RREB1: variants seen among roughly 807,000 people sequenced by gnomAD.
The protein encoded by RREB1 is ras responsive element binding protein 1.
Under a neutral mutation model 117.8 loss-of-function variants are expected in RREB1, and 27 were observed. The ratio of observed to expected loss-of-function variants is 0.23; its 90% confidence interval spans 0.17 to 0.32. The LOEUF (loss-of-function observed/expected upper bound fraction) is 0.32. Among genes scored for constraint, RREB1 ranks in the 10% least tolerant of loss-of-function variants. RREB1 has a pLI of 1.00. For synonymous variants in RREB1, 1,298 were observed against 1,026.7 expected, an observed-to-expected ratio of 1.26 and a Z score of -5.05; for missense variants, 2,577 against 2,378.2, an observed-to-expected ratio of 1.08 and a Z score of -1.74.
chr6:7,189,035 AAG>A, intron 5 of RREB1, 122 bp from the exon 6 acceptor site: 1 of 896,954 alleles, frequency 1.1e-6, no homozygotes, highest in Non-Finnish European at 1.6e-6. Flanking sequence ...TTTAAAATGA[AAG>A]AGAAACACAT....
chr6:7,110,494 G>GTGTGTGTGTGTGCA (rs780372991), intron 1 of RREB1, among the ~76,000 whole-genome samples: 1 of 152,102 alleles, frequency 6.6e-6, no homozygotes, highest in African/African-American at 2.4e-5. Flanking sequence ...GTGTGTGTGT[G>GTGTGTGTGTGTGCA]TGTATGTGTT....
Position 7,248,785 on chromosome 6 carries a change from G to C in RREB1, c.5046G>C (p.Lys1682Asn), listed in dbSNP as rs928886297. The C allele has an allele frequency of 6.2e-7, 1 of 1,613,974 alleles. No individual in the cohort carries two copies. Among genetic ancestry groups the C allele is most frequent in the African/African-American group, 1.3e-5 (1 of 75,066 alleles). Reference protein sequence around the residue: ...SRKEGLASATKDCSHREEKVT... With the variant: ...SRKEGLASATNDCSHREEKVT... The stretch of plus-strand genomic sequence containing the variant: ...AGGAGGGCTTGGCCAGTGCCACCAA[G>C]GACTGCAGCCACAGGGAGGAGAAGG... The change falls in exon 13 of 13, where the codon AAG (lysine) becomes AAC (asparagine). Residue 1682 changes from lysine (K) to asparagine (N), a missense_variant. Transcript: ENST00000379938.
At position 7,248,736 on chromosome 6, in the gene RREB1, A is replaced by T. The variant is rs1769263688; in HGVS notation, c.4997A>T (p.His1666Leu). Residue 1666 changes from histidine to leucine, a missense_variant, in exon 13 of 13, where the codon CAC becomes CTC. Physicochemically the swap from His to Leu is moderately conservative, Grantham distance 99. Coordinates refer to ENST00000379938, the MANE Select transcript of RREB1 (RefSeq NM_001003699.4). The part of the protein sequence containing the change: ...EAELAPNASN[H>L]MAVTRSRKEG... Reference sequence around the variant, plus strand: ...GAGCTGGCTCCCAATGCCAGCAACCACATGGCTGTCACCCGGAGCCGGAAG... The same window carrying T: ...GAGCTGGCTCCCAATGCCAGCAACCTCATGGCTGTCACCCGGAGCCGGAAG... 6.2e-7 allele frequency: 1 copy of T among 1,614,062 alleles called. No individual in the cohort carries two copies. The highest frequency in any genetic ancestry group is 1.3e-5 in the African/African-American group (1 of 74,950).
intron 10 of RREB1, among the ~76,000 whole-genome samples, chr6:7,239,840 T>A (rs1171090951): frequency 2.0e-5 from 3 of 152,228 alleles, no homozygotes; most frequent in African/African-American, 7.2e-5. Flanking sequence ...GCAGGATGTC[T>A]CGGCAAGTCA....
chr6:7,240,625 A>G, intron 11 of RREB1, 23 bp downstream of exon 11: 1 of 1,601,932 alleles, frequency 6.2e-7, no homozygotes, highest in Non-Finnish European at 8.5e-7. Context: ...GGTGAACAAG[A>G]ACCCAGGAAG....
At chr6:7,232,595 G>A (rs1768067307) in intron 10 of RREB1, among the ~76,000 whole-genome samples, 1 of 151,990 alleles carries the variant, frequency 6.6e-6, no homozygotes, top group African/African-American at 2.4e-5. Flanking sequence ...GGTGAAGCAG[G>A]AAAACAACTC....
At chr6:7,132,710 T>C (rs1762201814) in intron 1 of RREB1, among the ~76,000 whole-genome samples, 1 of 151,502 alleles carries the variant, frequency 6.6e-6, no homozygotes, top group South Asian at 2.1e-4. Flanking sequence ...TTTAACAGAT[T>C]TTTTTTTTAC....
intron 1 of RREB1, among the ~76,000 whole-genome samples, chr6:7,114,509 G>C (rs1356120809): frequency 1.3e-5 from 2 of 151,354 alleles, no homozygotes; most frequent in South Asian, 2.1e-4. Context: ...CTGGCCTTTA[G>C]TGCATAGACC....
intron 11 of RREB1, among the ~76,000 whole-genome samples, chr6:7,240,824 C>A (rs1399427813): frequency 6.6e-6 from 1 of 152,114 alleles, no homozygotes; most frequent in Non-Finnish European, 1.5e-5. Flanking sequence ...AAAACAGTGA[C>A]AGTGCCCCTC....
At chr6:7,232,715 T>G (rs1420147128) in intron 10 of RREB1, among the ~76,000 whole-genome samples, 4 of 151,938 alleles carry the variant, frequency 2.6e-5, no homozygotes, top group African/African-American at 9.7e-5. Flanking sequence ...AGTAACAAAC[T>G]TAAATTGTCA....
intron 8 of RREB1, chr6:7,214,288 T>C (rs1357192536): frequency 6.6e-6 from 1 of 152,264 alleles, no homozygotes; most frequent in Non-Finnish European, 1.5e-5. Flanking sequence ...AATAATGCCC[T>C]GTGTTTGGTG....
chr6:7,194,624 G>A (rs1486049172), intron 6 of RREB1, among the ~76,000 whole-genome samples: 1 of 152,204 alleles, frequency 6.6e-6, no homozygotes, highest in East Asian at 1.9e-4. Flanking sequence ...TTGAATCAGA[G>A]GAGAGGACTA....
At chr6:7,118,901 G>A (rs13208234) in intron 1 of RREB1, among the ~76,000 whole-genome samples, 68,928 of 144,372 alleles carry the variant, frequency 0.48, 19,440 homozygotes, top group Non-Finnish European at 0.64. Flanking sequence ...CACTCACCTC[G>A]GCCTCCCAAA....
At chr6:7,159,638 A>G (rs1470022353) in intron 1 of RREB1, among the ~76,000 whole-genome samples, 2 of 152,172 alleles carry the variant, frequency 1.3e-5, no homozygotes, top group African/African-American at 4.8e-5. Context: ...TTACAAGAAA[A>G]GGGAAGGTTA....
At chr6:7,164,015 G>A (rs1763798760) in intron 1 of RREB1, among the ~76,000 whole-genome samples, 1 of 152,012 alleles carries the variant, frequency 6.6e-6, no homozygotes, top group African/African-American at 2.4e-5. Context: ...CCCTATCGGG[G>A]CTGGGTCCTG....
intron 10 of RREB1, among the ~76,000 whole-genome samples, chr6:7,237,348 A>G (rs368110850): frequency 3.6e-4 from 55 of 151,854 alleles, no homozygotes; most frequent in Non-Finnish European, 6.0e-4. Flanking sequence ...CGACCTCCCA[A>G]AGTGCTAGGA....
chr6:7,143,874 T>C (rs1232323035), intron 1 of RREB1, among the ~76,000 whole-genome samples: 1 of 127,852 alleles, frequency 7.8e-6, no homozygotes, highest in East Asian at 2.3e-4. Flanking sequence ...TTTTTTTGCA[T>C]AGGCCAAATT....
chr6:7,226,684 C>G, intron 9 of RREB1, 28 bp downstream of exon 9: 3 of 1,559,454 alleles, frequency 1.9e-6, no homozygotes, highest in Non-Finnish European at 2.6e-6. Flanking sequence ...TGGAAGCAAC[C>G]AGCAACTGCC....
chr6:7,159,928 C>T (rs952078760), intron 1 of RREB1, among the ~76,000 whole-genome samples: 3 of 152,280 alleles, frequency 2.0e-5, no homozygotes, highest in African/African-American at 7.2e-5. Flanking sequence ...GTCTACAGAA[C>T]AAGGCTTATC....
Sources: gnomAD v4.1 joint callset for allele counts (sites outside exome capture counted in the v4.1 genomes callset) on GRCh38, gnomAD v4.1.1 for gene constraint, MANE v1.5 for transcripts, NCBI Gene and HGNC (gene_info 2026-07-23, HGNC 2026-07-21) for gene names.